SLC41A1: variants seen among roughly 807,000 people sequenced by gnomAD.
SLC41A1 encodes the protein solute carrier family 41 (magnesium transporter), member 1.
In SLC41A1, 20 loss-of-function variants were observed where a neutral mutation model predicts 47.3. That is an observed-to-expected ratio of 0.42 (90% confidence interval 0.30 to 0.61). The LOEUF is 0.61. Ranked by LOEUF, SLC41A1 falls within the 20% of genes least tolerant of loss-of-function variation. SLC41A1 has a pLI of 0.17. For missense variants in SLC41A1, 504 were observed against 674.1 expected, an observed-to-expected ratio of 0.75 and a Z score of 2.79; for synonymous variants, 282 against 272.7, an observed-to-expected ratio of 1.03 and a Z score of -0.34.
At chr1:205,805,810 C>T (rs1470636698) in intron 2 of SLC41A1, among the ~76,000 whole-genome samples, 4 of 152,184 alleles carry the variant, frequency 2.6e-5, no homozygotes, top group African/African-American at 9.7e-5. Context: ...CTTGCCCTTC[C>T]AATGCGCCTC....
intron 2 of SLC41A1, among the ~76,000 whole-genome samples, chr1:205,809,732 T>A (rs1419268587): frequency 2.6e-5 from 4 of 152,066 alleles, no homozygotes; most frequent in Admixed American, 2.6e-4. Context: ...CCCTTGTAAA[T>A]GTCTCCTACT....
intron 10 of SLC41A1, among the ~76,000 whole-genome samples, chr1:205,793,310 G>A (rs1655667186): frequency 1.3e-5 from 2 of 152,228 alleles, no homozygotes; most frequent in Non-Finnish European, 2.9e-5. Context: ...AGAGAGGACA[G>A]CAGAGGCAAG....
chr1:205,795,150 C>T (rs530789358), intron 9 of SLC41A1, 132 bp from the exon 10 acceptor site: 1 of 1,429,226 alleles, frequency 7.0e-7, no homozygotes, highest in East Asian at 2.3e-5. Context: ...CTTCTGCATC[C>T]TGTGGTCTCC....
At position 205,812,835 on chromosome 1, in the gene SLC41A1, C is replaced by A. The variant is rs1333773973; in HGVS notation, c.-674G>T. The A allele has an allele frequency of 5.1e-6, 5 of 984,972 alleles. No individual in the cohort carries two copies. Among genetic ancestry groups the A allele is most frequent in the Middle Eastern group, 5.2e-4 (1 of 1,938 alleles). The allele number at this position is 984,972 out of a possible 1,614,324, so 61.0% of individuals were successfully genotyped here. On this transcript the variant is annotated 5_prime_UTR_variant, in exon 1 of 11. Coordinates refer to ENST00000367137, the MANE Select transcript of SLC41A1 (RefSeq NM_173854.6). ...GCCCCTCGCCTGGGAGGAAGGGGGG[C>A]GCCTGGCAAGTGGCAGCGTGGCCCG...
At chr1:205,804,545 T>A (rs1345119129) in intron 2 of SLC41A1, among the ~76,000 whole-genome samples, 1 of 152,104 alleles carries the variant, frequency 6.6e-6, no homozygotes, top group Non-Finnish European at 1.5e-5. Flanking sequence ...GCAGCCCCAG[T>A]GAGCCCCATC....
chr1:205,805,609 T>C (rs1435619781), intron 2 of SLC41A1, among the ~76,000 whole-genome samples: 2 of 152,194 alleles, frequency 1.3e-5, no homozygotes, highest in Non-Finnish European at 2.9e-5. Flanking sequence ...GGGGAGCATC[T>C]AGATTTTAAC....
chr1:205,811,490 C>T (rs1571654273), intron 1 of SLC41A1, among the ~76,000 whole-genome samples: 2 of 152,184 alleles, frequency 1.3e-5, no homozygotes, highest in East Asian at 1.9e-4. Flanking sequence ...GGTTCAGTTA[C>T]AAATTCAGTC....
chr1:205,805,550 G>T (rs557821073), intron 2 of SLC41A1, among the ~76,000 whole-genome samples: 31 of 152,238 alleles, frequency 2.0e-4, no homozygotes, highest in African/African-American at 7.0e-4. Context: ...TGCTCTGATG[G>T]GGATGAAAAA....
chr1:205,797,219 G>A (rs562206654), intron 7 of SLC41A1, among the ~76,000 whole-genome samples: 1 of 152,332 alleles, frequency 6.6e-6, no homozygotes, highest in Non-Finnish European at 1.5e-5. Context: ...CAAGCTGGTG[G>A]TACTGGGTCA....
In SLC41A1 at chr1:205,810,136, T is replaced by C. The variant is rs1656111114; in HGVS notation, c.306A>G (p.Val102=). 8 of 1,614,140 alleles carry C rather than the reference T, an allele frequency of 5.0e-6. 1 individual carries two copies. The South Asian group carries it at 7.7e-5, about 16-fold the overall frequency. ...AGCCTGCCAGGAGGAATGGAAACAG[T>C]ACTTGCAGCCCGATGGAAAAGGAGG... ...KETSFSIGLQ[V]LFPFLLAGFG... Residue 102 remains valine (V), a synonymous_variant, in exon 2 of 11, where the codon GTA becomes GTG. Coordinates refer to ENST00000367137, the MANE Select transcript of SLC41A1 (RefSeq NM_173854.6). This position sits in a 1 kb window ranked among gnomAD's most constrained non-coding sequence, Gnocchi z 5.5.
chr1:205,795,130 A>T, intron 9 of SLC41A1, 112 bp from the exon 10 acceptor site: 1 of 1,474,178 alleles, frequency 6.8e-7, no homozygotes, highest in Non-Finnish European at 9.3e-7. Context: ...CAGACAGATG[A>T]ATGTCTCTAC....
chr1:205,810,045 A>C lies in SLC41A1; in HGVS notation c.372+25T>G. On this transcript the variant is annotated intron_variant, in intron 2 of 10. Coordinates refer to ENST00000367137, the MANE Select transcript of SLC41A1 (RefSeq NM_173854.6). This position sits in a 1 kb window ranked among gnomAD's most constrained non-coding sequence, Gnocchi z 5.5. ...CAAAGGTGGCCCTGGGCTCACAGTCAAGAGCTGCCCTACTCAGGTCCTACC... is the reference window on the plus strand; with the variant it reads ...CAAAGGTGGCCCTGGGCTCACAGTCCAGAGCTGCCCTACTCAGGTCCTACC... 1 of 1,614,080 alleles carries C rather than the reference A, an allele frequency of 6.2e-7. No homozygotes were observed. The highest frequency in any genetic ancestry group is 1.3e-5 in the African/African-American group (1 of 75,026).
chr1:205,795,235 G>C, intron 9 of SLC41A1, 109 bp downstream of exon 9: 1 of 1,555,976 alleles, frequency 6.4e-7, no homozygotes, highest in Non-Finnish European at 8.8e-7. Context: ...GCACAGCCCA[G>C]CAGAGAAGGA....
At position 205,791,317 on chromosome 1, in the gene SLC41A1, T is replaced by A; in HGVS notation, c.*216A>T. On this transcript the variant is annotated 3_prime_UTR_variant, in exon 11 of 11. Transcript: ENST00000367137. The surrounding 1 kb of genome is among the most constrained non-coding windows in gnomAD (Gnocchi z 4.0). ...CTTGGTGATTGTCTCAAAAACCTAC[T>A]TGTACTGCTTATCTCAGGCCATCTG... The A allele has an allele frequency of 1.7e-6, 1 of 589,542 alleles. No homozygotes were observed. The highest frequency in any genetic ancestry group is 3.0e-6 in the Non-Finnish European group (1 of 332,794). The allele number at this position is 589,542 out of a possible 1,614,324, so 36.5% of individuals were successfully genotyped here. A position where few individuals can be genotyped will look rare whatever the true frequency, so the allele number is the denominator to read the frequency against.
In SLC41A1 at chr1:205,799,796, A is replaced by G. The variant is rs748787049; in HGVS notation, c.515T>C (p.Leu172Pro). 1.9e-6 allele frequency: 3 copies of G among 1,614,054 alleles called. No individual in the cohort carries two copies. The South Asian group carries it at 3.3e-5, about 18-fold the overall frequency. Residue 172 changes from leucine to proline, a missense_variant, in exon 4 of 11, where the codon CTC becomes CCC. By Grantham distance (98) the Leu-to-Pro change is moderately conservative. Coordinates refer to ENST00000367137, the MANE Select transcript of SLC41A1 (RefSeq NM_173854.6). The part of the protein sequence containing the change: ...NIGHMDTPKE[L>P]WRMITGNMAL... The stretch of plus-strand genomic sequence containing the variant: ...CATGTTCCCAGTGATCATCCGCCAG[A>G]GCTCCTTGGGTGTGTCCATGTGTCC...
chr1:205,790,639 T>TA lies in SLC41A1; in HGVS notation c.*893dup, dbSNP rs1206585111. On this transcript the variant is annotated 3_prime_UTR_variant, in exon 11 of 11. Transcript: ENST00000367137. ...TCTCCACATACCCATGACCTGACCC[T>TA]AATCTCAAAACCCAACCTGGCAAGC... 6.6e-6 allele frequency: 1 copy of TA among 152,206 alleles called. No individual in the cohort carries two copies. The highest frequency in any genetic ancestry group is 1.5e-5 in the Non-Finnish European group (1 of 68,060). 9.4% of individuals were successfully genotyped at this position (152,206 alleles called of 1,614,324 possible).
chr1:205,802,084 T>C (rs1176516287), intron 2 of SLC41A1, among the ~76,000 whole-genome samples: 1 of 152,084 alleles, frequency 6.6e-6, no homozygotes, highest in Non-Finnish European at 1.5e-5. Context: ...CCTAACAGGG[T>C]AGGTGGTTTC....
rs765690405 is a variant in SLC41A1 at position 205,797,963 on chromosome 1, G to A, written c.933C>T (p.Ala311=). ...VWVVLARRSP[A]TREVLYSGWE... Reference sequence around the variant, plus strand: ...AGCCCGAGTACAACACCTCCCTTGTGGCTGGACTTCGTCGGGCCAGCACCA... The same window carrying A: ...AGCCCGAGTACAACACCTCCCTTGTAGCTGGACTTCGTCGGGCCAGCACCA... The change falls in exon 7 of 11, where the codon GCC becomes GCT. Residue 311 remains alanine, a synonymous_variant. Coordinates refer to ENST00000367137, the MANE Select transcript of SLC41A1 (RefSeq NM_173854.6). 5.6e-6 allele frequency: 9 copies of A among 1,614,168 alleles called. No individual in the cohort carries two copies. Among genetic ancestry groups the A allele is most frequent in the African/African-American group, 1.3e-5 (1 of 75,042 alleles).
chr1:205,794,005 G>A (rs1292746382), intron 10 of SLC41A1, among the ~76,000 whole-genome samples: 1 of 152,188 alleles, frequency 6.6e-6, no homozygotes, highest in Admixed American at 6.5e-5. Flanking sequence ...AATTTAAAAT[G>A]TAATAATAAG....
Sources: gnomAD v4.1 joint callset for allele counts (sites outside exome capture counted in the v4.1 genomes callset) on GRCh38, gnomAD v4.1.1 for gene constraint, Gnocchi (gnomAD v3.1) non-coding constraint, MANE v1.5 for transcripts, NCBI Gene and HGNC (gene_info 2026-07-23, HGNC 2026-07-21) for gene names.